RALYL: variants seen among roughly 807,000 people sequenced by gnomAD.
RALYL encodes RALY RNA binding protein like, also known as RNA-binding Raly-like protein.
Under a neutral mutation model 35.1 loss-of-function variants are expected in RALYL, and 29 were observed. The ratio of observed to expected loss-of-function variants is 0.83; its 90% CI spans 0.61 to 1.13. The LOEUF is 1.13. Among genes scored for constraint, RALYL ranks in the 50% most tolerant of loss-of-function variants. The probability of loss-of-function intolerance (pLI) is 0.00; values close to 1 mark genes in which losing one functional copy is unlikely to be tolerated. For missense variants in RALYL, 359 were observed against 360.4 expected (o/e 1.00, Z 0.03); for synonymous variants, 120 against 127.6 (o/e 0.94, Z 0.40).
intron 2 of RALYL, among the ~76,000 whole-genome samples, chr8:84,551,581 T>G (rs2060722580): frequency 6.6e-6 from 1 of 152,070 alleles, no homozygotes; most frequent in South Asian, 2.1e-4. Flanking sequence ...CACATTCTAG[T>G]TAAGAGGAAT....
chr8:84,422,469 A>C (rs1263988064), intron 1 of RALYL, among the ~76,000 whole-genome samples: 2 of 109,892 alleles, frequency 1.8e-5, no homozygotes, highest in East Asian at 5.0e-4. Flanking sequence ...CTAGCGGTCT[A>C]TCAATTTTGT....
chr8:84,201,786 C>T (rs1263656840), intron 1 of RALYL, among the ~76,000 whole-genome samples: 2 of 151,866 alleles, frequency 1.3e-5, no homozygotes, highest in Non-Finnish European at 1.5e-5. Context: ...AGGTTAGTCT[C>T]GAACTCCTGA....
At chr8:84,697,399 T>C (rs1839358205) in intron 2 of RALYL, among the ~76,000 whole-genome samples, 1 of 152,032 alleles carries the variant, frequency 6.6e-6, no homozygotes, top group South Asian at 2.1e-4. Flanking sequence ...TTTTCTGACA[T>C]AATGTTATCT....
At chr8:84,335,830 T>C (rs1847710209) in intron 1 of RALYL, among the ~76,000 whole-genome samples, 1 of 151,856 alleles carries the variant, frequency 6.6e-6, no homozygotes, top group Non-Finnish European at 1.5e-5. Context: ...GGTTTCTGCT[T>C]TTTGGGCCTT....
chr8:84,409,465 C>G (rs537677156), intron 1 of RALYL, among the ~76,000 whole-genome samples: 2 of 152,126 alleles, frequency 1.3e-5, no homozygotes, highest in South Asian at 4.1e-4. Context: ...AATAATTATT[C>G]TGTTGGTCCA....
intron 2 of RALYL, among the ~76,000 whole-genome samples, chr8:84,604,816 T>C (rs1333783185): frequency 7.2e-5 from 11 of 152,272 alleles, no homozygotes; most frequent in Non-Finnish European, 2.9e-5. Flanking sequence ...AAGAATGCTC[T>C]GTAGCTTTTA....
intron 2 of RALYL, among the ~76,000 whole-genome samples, chr8:84,765,020 T>G (rs1415777775): frequency 6.6e-6 from 1 of 152,200 alleles, no homozygotes; most frequent in African/African-American, 2.4e-5. Flanking sequence ...TTTGTTTTGT[T>G]TTGTTTCCTC....
chr8:84,491,567 C>A (rs1167603071), intron 1 of RALYL, among the ~76,000 whole-genome samples: 1 of 151,964 alleles, frequency 6.6e-6, no homozygotes, highest in Non-Finnish European at 1.5e-5. Flanking sequence ...TTTCAAGAGT[C>A]AGCCTGATAA....
chr8:84,758,642 C>A (rs1001426993), intron 2 of RALYL, among the ~76,000 whole-genome samples: 2 of 152,022 alleles, frequency 1.3e-5, no homozygotes, highest in African/African-American at 4.8e-5. Context: ...ACATGACAGC[C>A]AGCTCCCTCA....
At chr8:84,800,411 T>C (rs1302228710) in intron 3 of RALYL, among the ~76,000 whole-genome samples, 2 of 152,236 alleles carry the variant, frequency 1.3e-5, no homozygotes, top group East Asian at 3.8e-4. Context: ...TGTTGAATAA[T>C]ACCTGGCCTT....
At chr8:84,222,679 A>G (rs1822545319) in intron 1 of RALYL, among the ~76,000 whole-genome samples, 1 of 152,174 alleles carries the variant, frequency 6.6e-6, no homozygotes, top group South Asian at 2.1e-4. Context: ...GAAAGGGTGT[A>G]TTAAGTCACT....
intron 2 of RALYL, among the ~76,000 whole-genome samples, chr8:84,729,922 C>A (rs1202694198): frequency 1.3e-5 from 2 of 152,072 alleles, no homozygotes; most frequent in Non-Finnish European, 2.9e-5. Context: ...AGTCCAGGAC[C>A]AGATGGATTC....
intron 2 of RALYL, among the ~76,000 whole-genome samples, chr8:84,702,246 T>C (rs1840317601): frequency 6.6e-6 from 1 of 152,110 alleles, no homozygotes. Context: ...TTGGTTTCAG[T>C]ACATTACTAG....
chr8:84,687,926 AT>A (rs1837170745), intron 2 of RALYL, among the ~76,000 whole-genome samples: 1 of 151,922 alleles, frequency 6.6e-6, no homozygotes, highest in African/African-American at 2.4e-5. Context: ...TGCTCAGTTC[AT>A]TTTTTGGGCA....
chr8:84,709,033 C>A (rs528084898), intron 2 of RALYL, among the ~76,000 whole-genome samples: 13 of 152,186 alleles, frequency 8.5e-5, no homozygotes, highest in African/African-American at 2.9e-4. Context: ...GTGAGCTTAT[C>A]GACCTTATCC....
intron 1 of RALYL, among the ~76,000 whole-genome samples, chr8:84,474,490 T>G (rs1001312103): frequency 6.6e-6 from 1 of 152,240 alleles, no homozygotes; most frequent in Non-Finnish European, 1.5e-5. Context: ...AAGTGCAAGT[T>G]TCTGAGAAAA....
chr8:84,690,194 G>T (rs986596718), intron 2 of RALYL, among the ~76,000 whole-genome samples: 3 of 152,078 alleles, frequency 2.0e-5, no homozygotes, highest in South Asian at 2.1e-4. Flanking sequence ...ATATTATTGA[G>T]CCTTAAAAAA....
intron 2 of RALYL, among the ~76,000 whole-genome samples, chr8:84,761,444 A>T (rs1812684201): frequency 6.6e-6 from 1 of 152,114 alleles, no homozygotes; most frequent in African/African-American, 2.4e-5. Context: ...AAATATGTTT[A>T]TTAAAAGAAT....
chr8:84,789,134 G>A (rs1340293979), intron 3 of RALYL, among the ~76,000 whole-genome samples: 2 of 152,192 alleles, frequency 1.3e-5, no homozygotes, highest in Non-Finnish European at 2.9e-5. Flanking sequence ...GACACATGAT[G>A]TATTCCTAAC....
Sources: allele counts gnomAD v4.1 joint callset (sites outside exome capture counted in the v4.1 genomes callset), GRCh38; gene constraint gnomAD v4.1.1; transcripts MANE v1.5; gene names NCBI Gene and HGNC (gene_info 2026-07-23, HGNC 2026-07-21).